Variants in ASXL3 observed in about 807,000 individuals in gnomAD.
The protein encoded by ASXL3 is ASXL transcriptional regulator 3.
ASXL3 carries 34 observed loss-of-function variants against 170.6 expected under a neutral mutation model. The ratio of observed to expected loss-of-function variants is 0.20; its 90% CI spans 0.15 to 0.27. The LOEUF (loss-of-function observed/expected upper bound fraction) is 0.27. Among genes scored for constraint, ASXL3 ranks in the 10% least tolerant of loss-of-function variants. ASXL3 has a pLI of 1.00. For synonymous variants in ASXL3, 1,002 were observed against 989.1 expected (o/e 1.01, Z -0.24); for missense variants, 2,592 against 2,695.3 (o/e 0.96, Z 0.85).
chr18:33,640,653 T>A (rs961734580), intron 2 of ASXL3, among the ~76,000 whole-genome samples: 1 of 152,134 alleles, frequency 6.6e-6, no homozygotes, highest in Non-Finnish European at 1.5e-5. Flanking sequence ...AGAATTAAAA[T>A]GTTACTTGCA....
rs1184975307 is a variant in ASXL3, at chr18:33,744,014, C to T, written c.4166C>T (p.Thr1389Ile). 1 of 1,614,012 alleles carries T rather than the reference C, an allele frequency of 6.2e-7. No individual in the cohort carries two copies. Among genetic ancestry groups the T allele is most frequent in the South Asian group, 1.1e-5 (1 of 91,076 alleles). The change falls in exon 12 of 12, where the codon ACC becomes ATC. Residue 1389 changes from threonine (T) to isoleucine (I), a missense_variant. Physicochemically the swap from Thr to Ile is moderately conservative, Grantham distance 89. Around this residue, in one of 4 missense-constraint regions of ASXL3, gnomAD observed 2,246 missense variants for 2,219.6 expected, o/e 1.01. Transcript: ENST00000269197. ...SEEQATVSMGTTVRAALSCSD... is the reference protein window; with the variant it reads ...SEEQATVSMGITVRAALSCSD... The stretch of plus-strand genomic sequence containing the variant: ...GAACAGGCCACTGTATCCATGGGTA[C>T]CACTGTGAGAGCAGCCCTCAGCTGC...
chr18:33,626,472 G>T (rs1031572562), intron 2 of ASXL3, among the ~76,000 whole-genome samples: 2 of 151,918 alleles, frequency 1.3e-5, no homozygotes, highest in African/African-American at 4.8e-5. Context: ...ATATCAAATA[G>T]ACCTTCAGGG....
chr18:33,745,859 G>A lies in ASXL3; in HGVS notation c.6011G>A (p.Gly2004Asp), dbSNP rs773992424. 2 of 1,613,650 alleles carry A rather than the reference G, an allele frequency of 1.2e-6. No individual in the cohort carries two copies. Among genetic ancestry groups the A allele is most frequent in the African/African-American group, 2.7e-5 (2 of 74,850 alleles). ...MPMKEGDEVG[G>D]TAHTMPNKAL... ...ATGAAAGAAGGTGATGAGGTGGGAG[G>A]CACTGCACACACAATGCCAAACAAA... The change falls in exon 12 of 12, where the codon GGC (glycine) becomes GAC (aspartate). Residue 2004 changes from glycine to aspartate, a missense_variant. Physicochemically the swap from Gly to Asp is moderately conservative, Grantham distance 94. Transcript: ENST00000269197.
chr18:33,703,557 C>G (rs755590058), intron 8 of ASXL3, among the ~76,000 whole-genome samples: 1 of 152,038 alleles, frequency 6.6e-6, no homozygotes, highest in Non-Finnish European at 1.5e-5. Context: ...CTTTGGAACT[C>G]GAAGTTGGAA....
chr18:33,686,675 AT>A (rs1163571893), intron 8 of ASXL3, among the ~76,000 whole-genome samples: 1 of 152,236 alleles, frequency 6.6e-6, no homozygotes, highest in African/African-American at 2.4e-5. Context: ...ATGGTGGGCT[AT>A]TCTGCTGAGG....
intron 2 of ASXL3, chr18:33,609,024 C>T (rs192069276): frequency 7.1e-6 from 7 of 984,542 alleles, no homozygotes; most frequent in Admixed American, 1.2e-4. Context: ...TATAACCACG[C>T]TGTGTTTGTG....
intron 2 of ASXL3, among the ~76,000 whole-genome samples, chr18:33,621,805 A>T (rs549150633): frequency 1.3e-5 from 2 of 152,242 alleles, no homozygotes; most frequent in East Asian, 3.9e-4. Context: ...GGGCCAATAG[A>T]TTTGTCTGTA....
intron 8 of ASXL3, among the ~76,000 whole-genome samples, chr18:33,725,283 G>A (rs2067331091): frequency 6.6e-6 from 1 of 152,124 alleles, no homozygotes; most frequent in Non-Finnish European, 1.5e-5. Flanking sequence ...AACAGCTAAT[G>A]TACTATACTG....
intron 2 of ASXL3, among the ~76,000 whole-genome samples, chr18:33,629,822 AT>A (rs2065651786): frequency 6.6e-6 from 1 of 152,058 alleles, no homozygotes; most frequent in Non-Finnish European, 1.5e-5. Context: ...TACATAACTG[AT>A]TAGTAGCATT....
At position 33,661,752 on chromosome 18, in the gene ASXL3, A is replaced by G; in HGVS notation, c.477+15A>G. ...CTCTTAAACAGGTAAGATAGCTGCC[A>G]TTTATTCTTTGTCCTTCAGTTCTGC... On this transcript the variant is annotated intron_variant, in intron 5 of 11. Transcript: ENST00000269197. 20 of 1,609,618 alleles carry G rather than the reference A, an allele frequency of 1.2e-5. No individual in the cohort carries two copies. The highest frequency in any genetic ancestry group is 1.7e-5 in the Non-Finnish European group (20 of 1,178,198).
At chr18:33,633,611 AG>A (rs1469002529) in intron 2 of ASXL3, among the ~76,000 whole-genome samples, 1 of 152,080 alleles carries the variant, frequency 6.6e-6, no homozygotes, top group Non-Finnish European at 1.5e-5. Flanking sequence ...TGGGAGGCCA[AG>A]GGGGGTGGAT....
chr18:33,741,995 A>C (rs375013529), intron 11 of ASXL3, among the ~76,000 whole-genome samples: 29 of 152,320 alleles, frequency 1.9e-4, no homozygotes, highest in Admixed American at 4.6e-4. Context: ...CGAGTCTCTT[A>C]ATTACCAAGA....
rs763146161 is a variant in ASXL3, at chr18:33,739,053, T to C, written c.1649T>C (p.Met550Thr). Reference protein sequence around the residue: ...CDSLIPSTSSMTHVSDTEHKE... With the variant: ...CDSLIPSTSSTTHVSDTEHKE... The stretch of plus-strand genomic sequence containing the variant: ...TCTCTTATTCCTTCCACTTCATCTA[T>C]GACTCATGTCAGTGACACAGAACAT... The change falls in exon 11 of 12, where the codon ATG (methionine) becomes ACG (threonine). Residue 550 changes from methionine to threonine, a missense_variant. Transcript: ENST00000269197. The C allele has an allele frequency of 2.0e-5, 32 of 1,613,474 alleles. No individual in the cohort carries two copies. The highest frequency in any genetic ancestry group is 2.7e-5 in the Non-Finnish European group (32 of 1,179,648).
intron 2 of ASXL3, chr18:33,608,996 A>G (rs879591699): frequency 1.0e-6 from 1 of 981,654 alleles, no homozygotes; most frequent in Non-Finnish European, 1.2e-6. Flanking sequence ...CCTACGCTGG[A>G]GAAATAGCCT....
intron 2 of ASXL3, among the ~76,000 whole-genome samples, chr18:33,610,432 C>G (rs368930579): frequency 1.3e-5 from 2 of 152,126 alleles, no homozygotes; most frequent in African/African-American, 4.8e-5. Flanking sequence ...AACAGTCCTC[C>G]ACTGTACCTA....
Position 33,732,033 on chromosome 18 carries a change from A to G in ASXL3, c.945A>G (p.Ala315=). Residue 315 remains alanine (A), a synonymous_variant, in exon 9 of 12, where the codon GCA becomes GCG. Coordinates refer to ENST00000269197, the MANE Select transcript of ASXL3 (RefSeq NM_030632.3). ...SALNNEFFAY[A]AQGWKQRLAE... ...TAAATAATGAATTCTTTGCATATGCAGCACAAGGGTGGAAACAGCGACTGG... is the reference window on the plus strand; with the variant it reads ...TAAATAATGAATTCTTTGCATATGCGGCACAAGGGTGGAAACAGCGACTGG... The G allele has an allele frequency of 2.5e-6, 4 of 1,613,146 alleles. No homozygotes were observed. Among genetic ancestry groups the G allele is most frequent in the East Asian group, 2.2e-5 (1 of 44,880 alleles).
intron 8 of ASXL3, among the ~76,000 whole-genome samples, chr18:33,686,941 C>G (rs1216616753): frequency 6.6e-6 from 1 of 152,136 alleles, no homozygotes; most frequent in Non-Finnish European, 1.5e-5. Context: ...AGATAAGACA[C>G]AGAGAGGCTG....
At chr18:33,623,579 C>G (rs1310745292) in intron 2 of ASXL3, among the ~76,000 whole-genome samples, 1 of 152,100 alleles carries the variant, frequency 6.6e-6, no homozygotes, top group Non-Finnish European at 1.5e-5. Context: ...TGAGATGTCA[C>G]TGTTTGCTGC....
chr18:33,595,795 A>T (rs2065120773), intron 1 of ASXL3, among the ~76,000 whole-genome samples: 2 of 152,288 alleles, frequency 1.3e-5, no homozygotes, highest in South Asian at 2.1e-4. Context: ...CCTGGAGAAG[A>T]TTAATGATTG....
Sources: allele counts gnomAD v4.1 joint callset (sites outside exome capture counted in the v4.1 genomes callset), GRCh38; gene constraint gnomAD v4.1.1; regional missense constraint gnomAD v4.1.1; transcripts MANE v1.5; gene names NCBI Gene and HGNC (gene_info 2026-07-23, HGNC 2026-07-21).